TARBP1: variants seen among roughly 807,000 people sequenced by gnomAD.
TARBP1 encodes tRNA guanosine 2 -O-methyltransferase TARBP1.
TARBP1 carries 144 observed loss-of-function variants against 178.6 expected under a neutral mutation model. The ratio of observed to expected loss-of-function variants is 0.81; its 90% CI spans 0.70 to 0.93. The LOEUF (loss-of-function observed/expected upper bound fraction) is 0.93, where lower values mean the gene tolerates loss of function less well. Among genes scored for constraint, TARBP1 ranks in the 40% least tolerant of loss-of-function variants. The probability of loss-of-function intolerance (pLI) is 0.00; values close to 1 mark genes in which losing one functional copy is unlikely to be tolerated. For synonymous variants in TARBP1, 787 were observed against 781.0 expected (o/e 1.01, Z -0.13); for missense variants, 2,067 against 2,011.7 (o/e 1.03, Z -0.53).
intron 17 of TARBP1, among the ~76,000 whole-genome samples, chr1:234,428,812 G>C (rs1664068170): frequency 6.6e-6 from 1 of 152,106 alleles, no homozygotes; most frequent in African/African-American, 2.4e-5. Flanking sequence ...TCTCAAAGTG[G>C]TGGGATCACA....
At chr1:234,461,730 A>T (rs565463958) in intron 6 of TARBP1, among the ~76,000 whole-genome samples, 172 of 152,332 alleles carry the variant, frequency 1.1e-3, no homozygotes, top group African/African-American at 3.9e-3. Flanking sequence ...CATCTTTCTC[A>T]TAGGCTGTTT....
At chr1:234,476,523 T>C (rs933080511) in intron 1 of TARBP1, among the ~76,000 whole-genome samples, 2 of 152,198 alleles carry the variant, frequency 1.3e-5, no homozygotes, top group Non-Finnish European at 2.9e-5. Flanking sequence ...GATCTGATTT[T>C]GTAGAGGAAA....
chr1:234,437,535 C>T (rs376374632), intron 12 of TARBP1, among the ~76,000 whole-genome samples, 163 bp from the exon 13 acceptor site: 127 of 152,314 alleles, frequency 8.3e-4, no homozygotes, highest in Non-Finnish European at 1.5e-3. Context: ...GAAAGCTATA[C>T]TTAATCTTAA....
rs1264092441 is a variant in TARBP1, at chr1:234,478,621, C to T, written c.483G>A (p.Glu161=). ...GGGCGACGGCGGTCCCCGCCACGCG[C>T]TCCAGTAGCGGCCCGTCCTCGCGGG... ...LRPREDGPLL[E]RVAGTAVALA... Residue 161 remains glutamate (E), a synonymous_variant, in exon 1 of 30, where the codon GAG becomes GAA. Transcript: ENST00000040877. The T allele has an allele frequency of 6.1e-6, 8 of 1,306,416 alleles. No homozygotes were observed. The East Asian group carries it at 2.4e-4, about 39-fold the overall frequency. 80.9% of individuals were successfully genotyped at this position (1,306,416 alleles called of 1,614,324 possible).
chr1:234,461,529 A>G (rs1401812668), intron 6 of TARBP1, among the ~76,000 whole-genome samples: 1 of 151,266 alleles, frequency 6.6e-6, no homozygotes, highest in African/African-American at 2.4e-5. Context: ...CTGGTCTCAA[A>G]CTCCCAACCT....
At position 234,398,401 on chromosome 1, in the gene TARBP1, G is replaced by C; in HGVS notation, c.4224C>G (p.Asp1408Glu). 1.2e-6 allele frequency: 2 copies of C among 1,607,800 alleles called. No homozygotes were observed. Among genetic ancestry groups the C allele is most frequent in the Non-Finnish European group, 1.7e-6 (2 of 1,176,236 alleles). The part of the protein sequence containing the change: ...QTQLSKLKPG[D>E]WSQQDIGTNL... ...TTTTACCTATGTCTTGCTGAGACCA[G>C]TCACCTGGTTTTAGTTTACTAAGTT... The change falls in exon 26 of 30, where the codon GAC becomes GAG. Residue 1408 changes from aspartate to glutamate, a missense_variant. Coordinates refer to ENST00000040877, the MANE Select transcript of TARBP1 (RefSeq NM_005646.4).
chr1:234,477,785 G>A (rs990501908), intron 1 of TARBP1, among the ~76,000 whole-genome samples: 3 of 152,148 alleles, frequency 2.0e-5, no homozygotes, highest in Non-Finnish European at 4.4e-5. Context: ...CTAATTCACT[G>A]GTCAGTACAG....
Position 234,437,292 on chromosome 1 carries a change from T to C in TARBP1, c.2215A>G (p.Met739Val), listed in dbSNP as rs146077339. ...ISEFILRRLTMNELNSVSDLD... is the reference protein window; with the variant it reads ...ISEFILRRLTVNELNSVSDLD... ...ATACTTACACTATTTAGCTCATTCATAGTAAGTCTTCTGAGAATAAATTCA... is the reference window on the plus strand; with the variant it reads ...ATACTTACACTATTTAGCTCATTCACAGTAAGTCTTCTGAGAATAAATTCA... Residue 739 changes from methionine (M) to valine (V), a missense_variant, in exon 13 of 30, where the codon ATG becomes GTG. Physicochemically the swap from Met to Val is conservative, Grantham distance 21. Coordinates refer to ENST00000040877, the MANE Select transcript of TARBP1 (RefSeq NM_005646.4). 13 of 1,568,198 alleles carry C rather than the reference T, an allele frequency of 8.3e-6. No homozygotes were observed. In the South Asian group the frequency reaches 9.5e-5, roughly 11 times the overall value.
At chr1:234,432,567 G>A (rs915910586) in intron 14 of TARBP1, among the ~76,000 whole-genome samples, 8 of 152,114 alleles carry the variant, frequency 5.3e-5, no homozygotes, top group Admixed American at 2.0e-4. Flanking sequence ...GATACTAATC[G>A]AAGAAGACCT....
intron 20 of TARBP1, among the ~76,000 whole-genome samples, chr1:234,423,654 C>A (rs1376328093): frequency 1.3e-5 from 2 of 152,158 alleles, no homozygotes; most frequent in African/African-American, 4.8e-5. Context: ...GGTCTCCAGA[C>A]AGCATCCTCT....
chr1:234,478,084 C>T (rs1669734873), intron 1 of TARBP1, 89 bp downstream of exon 1: 3 of 1,304,558 alleles, frequency 2.3e-6, no homozygotes, highest in Non-Finnish European at 3.2e-6. Context: ...GAGTGACGAC[C>T]CCGATAAGCT....
intron 9 of TARBP1, among the ~76,000 whole-genome samples, chr1:234,456,961 G>C (rs270517): frequency 6.6e-6 from 1 of 151,972 alleles, no homozygotes; most frequent in Non-Finnish European, 1.5e-5. Context: ...ACCCAGAGGG[G>C]ACAAAGATCA....
intron 12 of TARBP1, among the ~76,000 whole-genome samples, chr1:234,445,181 G>A (rs11578042): frequency 0.3 from 45,699 of 151,810 alleles, 7,088 homozygotes; most frequent in Admixed American, 0.41. Context: ...CCCTCCTCCC[G>A]GAAACACGTT....
intron 6 of TARBP1, among the ~76,000 whole-genome samples, chr1:234,463,127 GTTT>G: frequency 6.6e-6 from 1 of 151,712 alleles, no homozygotes; most frequent in Non-Finnish European, 1.5e-5. Flanking sequence ...GTGTTTTTTT[GTTT>G]TTTTTGTTTT....
chr1:234,450,326 T>C (rs944544172), intron 10 of TARBP1, 102 bp downstream of exon 10: 1 of 858,930 alleles, frequency 1.2e-6, no homozygotes, highest in Non-Finnish European at 1.7e-6. Flanking sequence ...CAATAAATCA[T>C]CATATATTTC....
chr1:234,468,128 G>A (rs1197981724), intron 3 of TARBP1, among the ~76,000 whole-genome samples: 1 of 136,274 alleles, frequency 7.3e-6, no homozygotes, highest in Non-Finnish European at 1.6e-5. Flanking sequence ...TTGGTATTCA[G>A]TATTCCGTAT....
Position 234,446,928 on chromosome 1 carries a change from A to G in TARBP1, c.2009T>C (p.Leu670Pro). The G allele has an allele frequency of 6.2e-7, 1 of 1,613,932 alleles. No individual in the cohort carries two copies. The change falls in exon 12 of 30, where the codon CTT becomes CCT. Residue 670 changes from leucine to proline, a missense_variant. By Grantham distance (98) the Leu-to-Pro change is moderately conservative. Coordinates refer to ENST00000040877, the MANE Select transcript of TARBP1 (RefSeq NM_005646.4). The part of the protein sequence containing the change: ...ENVLRIFLDP[L>P]LDVLMKFSTN... ...ACTAAACTTCATAAGCACATCCAGAAGAGGGTCTAAGAATATCCGCAATAC... is the reference window on the plus strand; with the variant it reads ...ACTAAACTTCATAAGCACATCCAGAGGAGGGTCTAAGAATATCCGCAATAC...
At chr1:234,462,559 C>G (rs1296183617) in intron 6 of TARBP1, among the ~76,000 whole-genome samples, 1 of 151,980 alleles carries the variant, frequency 6.6e-6, no homozygotes, top group Non-Finnish European at 1.5e-5. Context: ...CGTGGTGGCG[C>G]ATGCCTGTAG....
chr1:234,447,308 A>C (rs1666276397), intron 11 of TARBP1, among the ~76,000 whole-genome samples: 2 of 147,664 alleles, frequency 1.4e-5, no homozygotes, highest in Non-Finnish European at 1.5e-5. Flanking sequence ...AAACAAACAT[A>C]AGCTAGTCAA....
Sources: gnomAD v4.1 joint callset for allele counts (sites outside exome capture counted in the v4.1 genomes callset) on GRCh38, gnomAD v4.1.1 for gene constraint, MANE v1.5 for transcripts, NCBI Gene and HGNC (gene_info 2026-07-23, HGNC 2026-07-21) for gene names.